ADGRL3: variants seen among roughly 807,000 people sequenced by gnomAD.
The protein encoded by ADGRL3 is calcium-independent alpha-latrotoxin receptor 3.
In ADGRL3, 62 loss-of-function variants were observed where a neutral mutation model predicts 153.5. That is an observed-to-expected ratio of 0.40 (90% CI 0.33 to 0.50). The LOEUF is 0.50. ADGRL3 is among the 20% of genes least tolerant of loss of function. The pLI is 0.47. For missense variants in ADGRL3, 1,641 were observed against 1,859.4 expected, an observed-to-expected ratio of 0.88 and a Z score of 2.16; for synonymous variants, 710 against 672.5, an observed-to-expected ratio of 1.06 and a Z score of -0.86.
intron 9 of ADGRL3, among the ~76,000 whole-genome samples, chr4:61,857,674 T>C (rs958110204): frequency 1.1e-4 from 15 of 133,124 alleles, no homozygotes; most frequent in African/African-American, 4.7e-4. Context: ...TTTCTTCCTT[T>C]CTTTCTTCCT....
intron 17 of ADGRL3, among the ~76,000 whole-genome samples, chr4:61,950,768 G>A (rs1051298043): frequency 6.6e-6 from 1 of 152,200 alleles, no homozygotes; most frequent in Non-Finnish European, 1.5e-5. Flanking sequence ...ATTGGTGAGT[G>A]ACAGGCGATG....
At chr4:61,581,722 C>T (rs2098926363) in intron 4 of ADGRL3, among the ~76,000 whole-genome samples, 1 of 152,056 alleles carries the variant, frequency 6.6e-6, no homozygotes, top group Non-Finnish European at 1.5e-5. Flanking sequence ...TATTTAACTT[C>T]CTACCAAATC....
chr4:62,060,792 T>A (rs1309413289), intron 25 of ADGRL3, among the ~76,000 whole-genome samples: 1 of 151,916 alleles, frequency 6.6e-6, no homozygotes, highest in Non-Finnish European at 1.5e-5. Context: ...ATTTGATTCA[T>A]TAATGGAAAA....
chr4:61,857,460 C>G (rs914059613), intron 9 of ADGRL3, among the ~76,000 whole-genome samples: 4 of 152,040 alleles, frequency 2.6e-5, no homozygotes, highest in African/African-American at 9.7e-5. Context: ...TTTCTGCCAA[C>G]CAACCACTGC....
intron 8 of ADGRL3, among the ~76,000 whole-genome samples, chr4:61,742,170 G>C (rs1350234409): frequency 6.6e-6 from 1 of 152,174 alleles, no homozygotes. Context: ...GCACAGATAA[G>C]TGAGAGTTGA....
rs368303506 is a variant in ADGRL3 at position 61,587,329 on chromosome 4, T to C, written c.362T>C (p.Ile121Thr). Residue 121 changes from isoleucine (I) to threonine (T), a missense_variant, in exon 5 of 27, where the codon ATA (isoleucine) becomes ACA (threonine). Ile to Thr is a moderately conservative substitution (Grantham distance 89). This residue lies in a region of ADGRL3 where 213 missense variants were observed against 362.1 expected (regional missense o/e 0.59). Transcript: ENST00000683033. ...TGTCCAGGAACAGACGTCATCATGATAGAAAGTGCCAACTATGGCAGGACT... is the reference window on the plus strand; with the variant it reads ...TGTCCAGGAACAGACGTCATCATGACAGAAAGTGCCAACTATGGCAGGACT... The part of the protein sequence containing the change: ...LRCPGTDVIM[I>T]ESANYGRTDD... 2 of 1,612,186 alleles carry C rather than the reference T, an allele frequency of 1.2e-6. No homozygotes were observed. Among genetic ancestry groups the C allele is most frequent in the East Asian group, 2.2e-5 (1 of 44,768 alleles).
At chr4:61,778,757 ATAT>A (rs1364782007) in intron 8 of ADGRL3, among the ~76,000 whole-genome samples, 2 of 152,210 alleles carry the variant, frequency 1.3e-5, no homozygotes, top group Non-Finnish European at 2.9e-5. Flanking sequence ...TGGTGTAATA[ATAT>A]TAAAAATCAT....
At position 61,469,959 on chromosome 4, in the gene ADGRL3, C is replaced by T. The variant is rs2152677104; in HGVS notation, c.-173-27162C>T. Among the ~76,000 whole-genome samples, 2 of 151,884 alleles carry T rather than the reference C, an allele frequency of 1.3e-5. 1 individual carries two copies. The highest frequency in any genetic ancestry group is 4.1e-4 in the South Asian group (2 of 4,826). Reference sequence around the variant, plus strand: ...AACAAAAAAAAACAAACCCCCAGCACTCTGAAGTATTATTACTTATGCTTT... The same window carrying T: ...AACAAAAAAAAACAAACCCCCAGCATTCTGAAGTATTATTACTTATGCTTT... On this transcript the variant is annotated intron_variant, in intron 2 of 26. Coordinates refer to ENST00000683033, the MANE Select transcript of ADGRL3 (RefSeq NM_001387552.1).
intron 2 of ADGRL3, among the ~76,000 whole-genome samples, chr4:61,464,638 A>G (rs1413578907): frequency 1.3e-5 from 2 of 152,188 alleles, no homozygotes; most frequent in African/African-American, 2.4e-5. Flanking sequence ...CAATTTCTAC[A>G]TAGTCTATAT....
chr4:61,506,801 A>G (rs530804609), intron 3 of ADGRL3, among the ~76,000 whole-genome samples: 1 of 152,182 alleles, frequency 6.6e-6, no homozygotes, highest in African/African-American at 2.4e-5. Context: ...AACATAAAAT[A>G]GCATTTTACA....
intron 21 of ADGRL3, among the ~76,000 whole-genome samples, chr4:62,014,273 G>A: frequency 6.6e-6 from 1 of 152,130 alleles, no homozygotes; most frequent in East Asian, 1.9e-4. Context: ...GCTCCTCAGG[G>A]AAAGTGCTGC....
chr4:61,200,973 A>T lies in ADGRL3; in HGVS notation c.-1032A>T. 6.6e-6 allele frequency among the ~76,000 whole-genome samples: 1 copy of T among 151,610 alleles called. No individual in the cohort carries two copies. The highest frequency in any genetic ancestry group is 2.0e-4 in the East Asian group (1 of 5,060). ...CGCCCCCTCCGTGCACCGGGGAAGGAGTTTGTGTGGCTCTCGCTCCGGCTG... is the reference window on the plus strand; with the variant it reads ...CGCCCCCTCCGTGCACCGGGGAAGGTGTTTGTGTGGCTCTCGCTCCGGCTG... On this transcript the variant is annotated 5_prime_UTR_variant, in exon 1 of 27. Transcript: ENST00000683033.
intron 2 of ADGRL3, among the ~76,000 whole-genome samples, chr4:61,457,094 A>G (rs1451449979): frequency 5.9e-5 from 9 of 152,002 alleles, no homozygotes; most frequent in Admixed American, 4.6e-4. Flanking sequence ...AATTTTTTTC[A>G]AAATGGGATT....
chr4:61,336,233 CCAAA>C (rs2095671097), intron 1 of ADGRL3, among the ~76,000 whole-genome samples: 1 of 152,130 alleles, frequency 6.6e-6, no homozygotes, highest in Non-Finnish European at 1.5e-5. Context: ...AGGTTCAAAT[CCAAA>C]CAATTAGTTT....
chr4:61,526,562 G>A (rs1445997083), intron 4 of ADGRL3, among the ~76,000 whole-genome samples: 1 of 152,008 alleles, frequency 6.6e-6, no homozygotes, highest in Admixed American at 6.6e-5. Flanking sequence ...AAGAACACTT[G>A]AGGCCAGAAG....
At chr4:61,395,099 A>G (rs1032879031) in intron 2 of ADGRL3, among the ~76,000 whole-genome samples, 2 of 152,076 alleles carry the variant, frequency 1.3e-5, no homozygotes, top group Non-Finnish European at 2.9e-5. Flanking sequence ...ATTTAATTTC[A>G]TACCTGATTA....
chr4:61,720,290 A>G (rs1157719694), intron 6 of ADGRL3, among the ~76,000 whole-genome samples: 1 of 151,998 alleles, frequency 6.6e-6, no homozygotes, highest in East Asian at 1.9e-4. Flanking sequence ...GGGTTTCACC[A>G]TATTGGCCAG....
chr4:61,921,890 G>C (rs928477305), intron 13 of ADGRL3, among the ~76,000 whole-genome samples: 1 of 152,162 alleles, frequency 6.6e-6, no homozygotes, highest in African/African-American at 2.4e-5. Flanking sequence ...CCATGGAAAA[G>C]AGTAAATGTG....
At position 62,074,523 on chromosome 4, in the gene ADGRL3, G is replaced by A. The variant is rs1746560291; in HGVS notation, c.*3615G>A. 1 of 152,020 alleles carries A rather than the reference G, an allele frequency of 6.6e-6. No homozygotes were observed. Among genetic ancestry groups the A allele is most frequent in the Non-Finnish European group, 1.5e-5 (1 of 68,008 alleles). 9.4% of individuals were successfully genotyped at this position (152,020 alleles called of 1,614,324 possible). A position where few individuals can be genotyped will look rare whatever the true frequency, so the allele number is the denominator to read the frequency against. ...AAATTGGTTGGAATTAAATTTTATG[G>A]GCGTCCCTTCTTGTTTCCACTATAT... On this transcript the variant is annotated 3_prime_UTR_variant, in exon 27 of 27. Coordinates refer to ENST00000683033, the MANE Select transcript of ADGRL3 (RefSeq NM_001387552.1).
Sources: gnomAD v4.1 joint callset for allele counts (sites outside exome capture counted in the v4.1 genomes callset) on GRCh38, gnomAD v4.1.1 for gene constraint, gnomAD v4.1.1 regional missense constraint, MANE v1.5 for transcripts, NCBI Gene and HGNC (gene_info 2026-07-23, HGNC 2026-07-21) for gene names.